PRR16: variants seen among roughly 807,000 people sequenced by gnomAD.
PRR16 encodes the protein proline rich 16, also known as protein Largen.
PRR16 carries 6 observed loss-of-function variants against 18.2 expected under a neutral mutation model. The ratio of observed to expected loss-of-function variants is 0.33; its 90% confidence interval spans 0.18 to 0.65. The LOEUF is 0.65. PRR16 is among the 30% of genes least tolerant of loss of function. The pLI, the probability that PRR16 is intolerant of heterozygous loss-of-function variation, is 0.74. For missense variants in PRR16, 412 were observed against 376.6 expected (o/e 1.09, Z -0.78); for synonymous variants, 151 against 147.8 (o/e 1.02, Z -0.16).
At chr5:120,634,808 C>G (rs553551306) in intron 1 of PRR16, among the ~76,000 whole-genome samples, 20 of 151,932 alleles carry the variant, frequency 1.3e-4, no homozygotes, top group African/African-American at 4.8e-4. Flanking sequence ...AACAAAAATA[C>G]AACAGATCAA....
At chr5:120,517,652 G>A (rs1751041835) in intron 1 of PRR16, among the ~76,000 whole-genome samples, 1 of 152,056 alleles carries the variant, frequency 6.6e-6, no homozygotes. Flanking sequence ...TTTATTGATT[G>A]TTCTTTTTCG....
chr5:120,543,733 T>C (rs1395876060), intron 1 of PRR16, among the ~76,000 whole-genome samples: 1 of 152,208 alleles, frequency 6.6e-6, no homozygotes, highest in African/African-American at 2.4e-5. Flanking sequence ...TTACTGCCTT[T>C]TATTTCTGAA....
At chr5:120,587,884 A>C (rs1753501004) in intron 1 of PRR16, among the ~76,000 whole-genome samples, 1 of 152,212 alleles carries the variant, frequency 6.6e-6, no homozygotes, top group Admixed American at 6.5e-5. Flanking sequence ...ATATGGGAAA[A>C]GTAAATTAAA....
At chr5:120,694,556 C>T in the PRR16 span, among the ~76,000 whole-genome samples, 1 of 151,692 alleles carries the variant, frequency 6.6e-6, no homozygotes, top group Non-Finnish European at 1.5e-5. Context: ...AGGTGGCGGG[C>T]GCCTGTAGTC....
intron 1 of PRR16, among the ~76,000 whole-genome samples, chr5:120,526,505 C>T (rs575886871): frequency 1.3e-5 from 2 of 152,160 alleles, no homozygotes; most frequent in Non-Finnish European, 2.9e-5. Flanking sequence ...GCCGTTCCCT[C>T]CTTCACTTAC....
the PRR16 span, among the ~76,000 whole-genome samples, chr5:120,788,134 T>A: frequency 6.6e-6 from 1 of 152,078 alleles, no homozygotes; most frequent in South Asian, 2.1e-4. Flanking sequence ...TTTTAACATA[T>A]TATATTTACA....
At chr5:120,672,433 G>A (rs1383371247) in intron 1 of PRR16, among the ~76,000 whole-genome samples, 1 of 151,944 alleles carries the variant, frequency 6.6e-6, no homozygotes, top group African/African-American at 2.4e-5. Flanking sequence ...GTGGATGGCA[G>A]GACCTGGATC....
the PRR16 span, among the ~76,000 whole-genome samples, chr5:120,710,268 A>G: frequency 1.3e-5 from 2 of 152,132 alleles, no homozygotes; most frequent in African/African-American, 4.8e-5. Flanking sequence ...CTCCAGGGGT[A>G]CAACCGGCTG....
At chr5:120,787,389 A>G in the PRR16 span, among the ~76,000 whole-genome samples, 15 of 152,282 alleles carry the variant, frequency 9.9e-5, 1 homozygote, top group South Asian at 3.1e-3. Context: ...TATATGTAAC[A>G]AATCTTCAAA....
chr5:120,698,005 G>A, the PRR16 span, among the ~76,000 whole-genome samples: 15 of 152,140 alleles, frequency 9.9e-5, no homozygotes, highest in Admixed American at 3.9e-4. Context: ...CAGGGGATGC[G>A]ATGGCTTGGC....
the PRR16 span, among the ~76,000 whole-genome samples, chr5:120,730,000 C>A: frequency 1.3e-5 from 2 of 152,116 alleles, no homozygotes; most frequent in African/African-American, 4.8e-5. Context: ...ATAGACAGGG[C>A]TTTATTCTAC....
chr5:120,696,980 A>C, the PRR16 span, among the ~76,000 whole-genome samples: 1 of 12,510 alleles, frequency 8.0e-5, no homozygotes, highest in African/African-American at 9.6e-5. Flanking sequence ...GAACCAAGAA[A>C]ATAAAAAGTT....
chr5:120,530,066 T>C (rs868719524), intron 1 of PRR16, among the ~76,000 whole-genome samples: 23 of 150,966 alleles, frequency 1.5e-4, no homozygotes, highest in Middle Eastern at 3.5e-3. Context: ...TTCTGTCATA[T>C]AGCAAGCTAA....
At chr5:120,761,470 T>C in the PRR16 span, among the ~76,000 whole-genome samples, 1 of 152,174 alleles carries the variant, frequency 6.6e-6, no homozygotes, top group African/African-American at 2.4e-5. Context: ...CCCGATTCTC[T>C]TTTGTTCGTG....
intron 1 of PRR16, among the ~76,000 whole-genome samples, chr5:120,650,666 T>G (rs1445478746): frequency 5.3e-5 from 8 of 152,156 alleles, no homozygotes; most frequent in Non-Finnish European, 1.0e-4. Context: ...ACTCATCATT[T>G]TTATGGCTGC....
intron 1 of PRR16, among the ~76,000 whole-genome samples, chr5:120,533,163 C>T (rs976403399): frequency 2.0e-5 from 3 of 152,102 alleles, no homozygotes; most frequent in Non-Finnish European, 2.9e-5. Flanking sequence ...TAGAGTTCTG[C>T]GGAGAAATTT....
chr5:120,550,948 A>G (rs1362494979), intron 1 of PRR16, among the ~76,000 whole-genome samples: 2 of 152,044 alleles, frequency 1.3e-5, no homozygotes, highest in East Asian at 3.9e-4. Context: ...CAAAGTATAC[A>G]ATGTGACGTT....
At position 120,686,636 on chromosome 5, in the gene PRR16, C is replaced by T; in HGVS notation, c.842C>T (p.Ala281Val). ...HSNSFPPIRPATVPPPTAPKP... is the reference protein window; with the variant it reads ...HSNSFPPIRPVTVPPPTAPKP... ...AACAGCTTCCCCCCTATCAGACCTG[C>T]AACTGTGCCTCCTCCCACTGCACCA... Residue 281 changes from alanine (A) to valine (V), a missense_variant, in exon 2 of 2, where the codon GCA becomes GTA. Ala to Val is a moderately conservative substitution (Grantham distance 64). Transcript: ENST00000407149. 2 of 1,603,898 alleles carry T rather than the reference C, an allele frequency of 1.2e-6. 1 individual carries two copies. Among genetic ancestry groups the T allele is most frequent in the South Asian group, 2.2e-5 (2 of 89,452 alleles).
chr5:120,732,622 C>G, the PRR16 span, among the ~76,000 whole-genome samples: 41,919 of 152,012 alleles, frequency 0.28, 7,252 homozygotes, highest in East Asian at 0.75. Flanking sequence ...TGCCTTTACC[C>G]CATCTGGCAA....
Sources: gnomAD v4.1 joint callset for allele counts (sites outside exome capture counted in the v4.1 genomes callset) on GRCh38, gnomAD v4.1.1 for gene constraint, MANE v1.5 for transcripts, NCBI Gene and HGNC (gene_info 2026-07-23, HGNC 2026-07-21) for gene names.